Variants in MSANTD5 observed in about 807,000 individuals in gnomAD.
MSANTD5 encodes uncharacterized protein MSANTD5.
chr5:178,693,987 ATT>A (rs939256021), downstream of MSANTD5, among the ~76,000 whole-genome samples: 2 of 152,042 alleles, frequency 1.3e-5, no homozygotes, highest in African/African-American at 4.8e-5. Flanking sequence ...ATCAGCTTTA[ATT>A]TTAATACGAG....
At chr5:178,699,076 C>T (rs1310970077), upstream of MSANTD5, among the ~76,000 whole-genome samples, 2 of 152,074 alleles carry the variant, frequency 1.3e-5, no homozygotes, top group Non-Finnish European at 2.9e-5. Flanking sequence ...TCCAATACAC[C>T]CCCACTCTGC....
At chr5:178,692,548 T>C (rs1253730329), downstream of MSANTD5, among the ~76,000 whole-genome samples, 1 of 151,994 alleles carries the variant, frequency 6.6e-6, no homozygotes, top group Non-Finnish European at 1.5e-5. Flanking sequence ...TGTCATCCAC[T>C]GGGCGAAGGG....
upstream of MSANTD5, among the ~76,000 whole-genome samples, chr5:178,700,664 C>G (rs1478300077): frequency 6.6e-6 from 1 of 151,466 alleles, no homozygotes; most frequent in Non-Finnish European, 1.5e-5. Context: ...TGTGACCATC[C>G]AGGTTGATCC....
At chr5:178,697,270 C>T (rs557787257) in intron 1 of MSANTD5, among the ~76,000 whole-genome samples, 15 of 150,242 alleles carry the variant, frequency 1.0e-4, no homozygotes, top group East Asian at 5.8e-4. Context: ...CTGGCTAACA[C>T]GGTGAAACCC....
At chr5:178,700,436 G>C (rs1321434748), upstream of MSANTD5, among the ~76,000 whole-genome samples, 1 of 152,170 alleles carries the variant, frequency 6.6e-6, no homozygotes, top group East Asian at 1.9e-4. Flanking sequence ...AAAGTCCTCT[G>C]GTTATTCTAA....
upstream of MSANTD5, among the ~76,000 whole-genome samples, chr5:178,701,987 C>A (rs1765489502): frequency 6.6e-6 from 1 of 150,914 alleles, no homozygotes; most frequent in African/African-American, 2.4e-5. Context: ...CCCGCCTCGG[C>A]CTCCCAAAGT....
At chr5:178,692,339 C>T (rs970196326), downstream of MSANTD5, among the ~76,000 whole-genome samples, 3 of 150,030 alleles carry the variant, frequency 2.0e-5, no homozygotes, top group Non-Finnish European at 3.0e-5. Flanking sequence ...GAGATTGCAC[C>T]GCTGCACTCT....
upstream of MSANTD5, among the ~76,000 whole-genome samples, chr5:178,701,463 C>T (rs1028451261): frequency 2.0e-5 from 3 of 151,624 alleles, no homozygotes; most frequent in African/African-American, 4.8e-5. Context: ...AAGGAAGGTC[C>T]GCACAGGTCA....
chr5:178,702,038 T>G (rs943551852), upstream of MSANTD5, among the ~76,000 whole-genome samples: 1 of 150,338 alleles, frequency 6.7e-6, no homozygotes, highest in African/African-American at 2.4e-5. Flanking sequence ...CGGCCGAATA[T>G]TTTTTAAAAT....
downstream of MSANTD5, among the ~76,000 whole-genome samples, chr5:178,694,315 CAAAAAAAAAAAAAA>C (rs56778816): frequency 1.6e-5 from 1 of 61,552 alleles, no homozygotes; most frequent in African/African-American, 6.1e-5. Context: ...GACTCCATCT[CAAAAAAAAAAAAAA>C]AAAAAAAAAG....
At chr5:178,706,465 C>T in the MSANTD5 span, among the ~76,000 whole-genome samples, 63 of 152,158 alleles carry the variant, frequency 4.1e-4, no homozygotes, top group African/African-American at 1.5e-3. Context: ...CTATAATCTT[C>T]CAGTTAAATC....
chr5:178,696,505 C>T (rs957898272), intron 1 of MSANTD5, among the ~76,000 whole-genome samples: 20 of 152,210 alleles, frequency 1.3e-4, no homozygotes, highest in Non-Finnish European at 2.1e-4. Flanking sequence ...GGATTACAGG[C>T]GTGAGCCACT....
At chr5:178,692,218 A>G (rs941801049), downstream of MSANTD5, among the ~76,000 whole-genome samples, 1 of 136,574 alleles carries the variant, frequency 7.3e-6, no homozygotes, top group African/African-American at 2.6e-5. Context: ...TCTCTCTACT[A>G]AAAATACAAA....
chr5:178,700,333 T>C (rs1285417897), upstream of MSANTD5, among the ~76,000 whole-genome samples: 2 of 152,180 alleles, frequency 1.3e-5, no homozygotes, highest in Admixed American at 1.3e-4. Flanking sequence ...AGCTTCCCAG[T>C]CCTGACTCTA....
At chr5:178,702,585 C>A (rs1670452214), upstream of MSANTD5, among the ~76,000 whole-genome samples, 5 of 149,050 alleles carry the variant, frequency 3.4e-5, no homozygotes, top group South Asian at 8.7e-4. Context: ...AGGTGTGAGC[C>A]ACCGCACCCA....
At chr5:178,693,602 A>T (rs968206919), downstream of MSANTD5, among the ~76,000 whole-genome samples, 1 of 151,988 alleles carries the variant, frequency 6.6e-6, no homozygotes, top group Non-Finnish European at 1.5e-5. Context: ...AAGAGCAAAG[A>T]AAGAACAAAC....
chr5:178,694,982 G>A (rs1339722618), intron 3 of MSANTD5, 35 bp from the exon 4 acceptor site: 1 of 152,362 alleles, frequency 6.6e-6, no homozygotes, highest in Non-Finnish European at 1.5e-5. Flanking sequence ...GGCTCATGAA[G>A]CCATCACCCA....
chr5:178,703,356 A>T, the MSANTD5 span, among the ~76,000 whole-genome samples: 1 of 152,312 alleles, frequency 6.6e-6, no homozygotes, highest in Non-Finnish European at 1.5e-5. Flanking sequence ...GTGAGCTGGA[A>T]CACAGGAGAG....
At chr5:178,698,868 G>C (rs1282976785), upstream of MSANTD5, among the ~76,000 whole-genome samples, 1 of 150,618 alleles carries the variant, frequency 6.6e-6, no homozygotes, top group East Asian at 2.0e-4. Flanking sequence ...TGAGACTGCA[G>C]GTGTGAGCCA....
Sources: allele counts gnomAD v4.1 joint callset (sites outside exome capture counted in the v4.1 genomes callset), GRCh38; gene constraint gnomAD v4.1.1; transcripts MANE v1.5; gene names NCBI Gene and HGNC (gene_info 2026-07-23, HGNC 2026-07-21).